SPATA16: variants seen among roughly 807,000 people sequenced by gnomAD.
SPATA16 encodes the protein spermatogenesis-associated protein 16.
SPATA16 carries 36 observed loss-of-function variants against 63.3 expected under a neutral mutation model. That is an observed-to-expected ratio of 0.57 (90% confidence interval 0.44 to 0.75). The LOEUF is 0.75. Among genes scored for constraint, SPATA16 ranks in the 30% least tolerant of loss-of-function variants. SPATA16 has a pLI of 0.00. For synonymous variants in SPATA16, 203 were observed against 216.7 expected (o/e 0.94, Z 0.56); for missense variants, 646 against 679.3 (o/e 0.95, Z 0.54).
intron 1 of SPATA16, among the ~76,000 whole-genome samples, chr3:173,137,401 A>G (rs1327167290): frequency 6.6e-6 from 1 of 152,224 alleles, no homozygotes; most frequent in African/African-American, 2.4e-5. Context: ...CTACTGAAAG[A>G]TAAGAAAGAA....
intron 1 of SPATA16, among the ~76,000 whole-genome samples, chr3:173,139,546 T>G (rs996117465): frequency 6.6e-6 from 1 of 152,252 alleles, no homozygotes; most frequent in Non-Finnish European, 1.5e-5. Context: ...GTGTTTGCAC[T>G]GCTTTTGTTA....
At chr3:172,935,837 A>C (rs1732977797) in intron 6 of SPATA16, among the ~76,000 whole-genome samples, 1 of 152,140 alleles carries the variant, frequency 6.6e-6, no homozygotes, top group African/African-American at 2.4e-5. Flanking sequence ...AGTTTATGCT[A>C]CCTGGGTAGT....
At chr3:173,040,176 AT>A (rs1480039679) in intron 3 of SPATA16, among the ~76,000 whole-genome samples, 1 of 151,990 alleles carries the variant, frequency 6.6e-6, no homozygotes, top group East Asian at 1.9e-4. Flanking sequence ...AGCCATCTGG[AT>A]CCTGTTTCTT....
intron 2 of SPATA16, among the ~76,000 whole-genome samples, chr3:173,069,647 C>T (rs553459881): frequency 6.4e-4 from 98 of 152,302 alleles, no homozygotes; most frequent in African/African-American, 2.3e-3. Flanking sequence ...AGGTCAGTAT[C>T]ACTCTGATAC....
At chr3:172,890,973 A>G (rs1050491229) in intron 10 of SPATA16, among the ~76,000 whole-genome samples, 2 of 149,116 alleles carry the variant, frequency 1.3e-5, no homozygotes, top group African/African-American at 2.4e-5. Flanking sequence ...ATATATATAT[A>G]TAATATGTGT....
chr3:172,966,860 C>T lies in SPATA16; in HGVS notation c.934-10036G>A, dbSNP rs144163895. On this transcript the variant is annotated intron_variant, in intron 5 of 10. Transcript: ENST00000351008. ...ATGATTTCATGGAATAGTTATTACA[C>T]ATCTCCAACTGCTAAAAAAAGTGAC... Among the ~76,000 whole-genome samples the T allele has an allele frequency of 2.8e-3, 429 of 152,280 alleles. 1 individual carries two copies. Among genetic ancestry groups the T allele is most frequent in the South Asian group, 0.015 (70 of 4,824 alleles).
At chr3:173,056,565 G>A (rs995075381) in intron 2 of SPATA16, among the ~76,000 whole-genome samples, 1 of 152,028 alleles carries the variant, frequency 6.6e-6, no homozygotes, top group Admixed American at 6.6e-5. Context: ...TTAGCTGGAA[G>A]TGGTGGCGGG....
intron 4 of SPATA16, among the ~76,000 whole-genome samples, chr3:173,013,048 A>G (rs1316094528): frequency 6.6e-6 from 1 of 152,168 alleles, no homozygotes; most frequent in Non-Finnish European, 1.5e-5. Flanking sequence ...CAGAATTTAT[A>G]AGGAACTTAA....
At position 172,900,684 on chromosome 3, in the gene SPATA16, G is replaced by A. The variant is rs12636693; in HGVS notation, c.1588-10992C>T. Among the ~76,000 whole-genome samples, 3 of 151,650 alleles carry A rather than the reference G, an allele frequency of 2.0e-5. No individual in the cohort carries two copies. In the South Asian group the frequency reaches 6.3e-4, roughly 32 times the overall value. ...TTGGTGGAGTCTCACACTGTTGCCC[G>A]GGCTGGAGTGCAATGGCATGATCTC... On this transcript the variant is annotated intron_variant, in intron 10 of 10. Coordinates refer to ENST00000351008, the MANE Select transcript of SPATA16 (RefSeq NM_031955.6).
chr3:173,074,682 C>A (rs776372044), intron 2 of SPATA16, among the ~76,000 whole-genome samples: 2 of 151,936 alleles, frequency 1.3e-5, no homozygotes, highest in Non-Finnish European at 2.9e-5. Flanking sequence ...CGGACTAATA[C>A]AGATGGCAAC....
chr3:173,034,140 T>C (rs2108285778), intron 3 of SPATA16, among the ~76,000 whole-genome samples: 1 of 152,328 alleles, frequency 6.6e-6, no homozygotes, highest in Non-Finnish European at 1.5e-5. Context: ...TGTTCAGGTT[T>C]TAAAGAAAAG....
chr3:173,085,778 G>A (rs1286135338), intron 2 of SPATA16, among the ~76,000 whole-genome samples: 1 of 152,048 alleles, frequency 6.6e-6, no homozygotes. Flanking sequence ...ATAATCATAT[G>A]GTTTTTGTCT....
intron 10 of SPATA16, among the ~76,000 whole-genome samples, chr3:172,893,489 C>T (rs1731936218): frequency 6.6e-6 from 1 of 152,196 alleles, no homozygotes; most frequent in Non-Finnish European, 1.5e-5. Context: ...TGATTTCAGG[C>T]TTTTACGCTC....
chr3:173,057,496 T>C (rs1190221385), intron 2 of SPATA16, among the ~76,000 whole-genome samples: 1 of 152,200 alleles, frequency 6.6e-6, no homozygotes, highest in African/African-American at 2.4e-5. Flanking sequence ...TCTCTGATTT[T>C]TTTCACCTCT....
intron 2 of SPATA16, among the ~76,000 whole-genome samples, chr3:173,061,598 C>A (rs1004099269): frequency 6.6e-6 from 1 of 152,298 alleles, no homozygotes; most frequent in Admixed American, 6.5e-5. Context: ...ATGTTCAAGA[C>A]ATCAAGGGTA....
rs866024048 is a variant in SPATA16 at position 173,020,639 on chromosome 3, T to C, written c.759-1064A>G. Among the ~76,000 whole-genome samples the C allele has an allele frequency of 4.6e-5, 7 of 152,342 alleles. No individual in the cohort carries two copies. The South Asian group carries it at 1.2e-3, about 27-fold the overall frequency. ...CTAGAGATAAAGGGGTAGACCTTTCTCTTCCTTGCTTCATTGAGAGCCTAT... is the reference window on the plus strand; with the variant it reads ...CTAGAGATAAAGGGGTAGACCTTTCCCTTCCTTGCTTCATTGAGAGCCTAT... On this transcript the variant is annotated intron_variant, in intron 3 of 10. Transcript: ENST00000351008.
At chr3:172,999,324 T>C (rs1734763264) in intron 4 of SPATA16, among the ~76,000 whole-genome samples, 3 of 152,220 alleles carry the variant, frequency 2.0e-5, no homozygotes, top group Admixed American at 6.5e-5. Context: ...TTTGTGGACA[T>C]AGAGAAGTTA....
In SPATA16 at chr3:172,956,831, G is replaced by A. The variant is rs776676290; in HGVS notation, c.934-7C>T. 6.2e-6 allele frequency: 10 copies of A among 1,612,800 alleles called. No homozygotes were observed. Among genetic ancestry groups the A allele is most frequent in the Non-Finnish European group, 8.5e-6 (10 of 1,179,370 alleles). Reference sequence around the variant, plus strand: ...TGGCTTCCTCAATCATGGCCTAAGAGGAAACAAACAACCCATTTGGCATCA... The same window carrying A: ...TGGCTTCCTCAATCATGGCCTAAGAAGAAACAAACAACCCATTTGGCATCA... On this transcript the variant is annotated splice_region_variant and splice_polypyrimidine_tract_variant and intron_variant, in intron 5 of 10. Transcript: ENST00000351008.
At chr3:173,017,907 A>G (rs1398692642) in intron 4 of SPATA16, among the ~76,000 whole-genome samples, 1 of 152,228 alleles carries the variant, frequency 6.6e-6, no homozygotes. Flanking sequence ...GACACTTACT[A>G]TCATCTCTTA....
Sources: gnomAD v4.1 joint callset for allele counts (sites outside exome capture counted in the v4.1 genomes callset) on GRCh38, gnomAD v4.1.1 for gene constraint, MANE v1.5 for transcripts, NCBI Gene and HGNC (gene_info 2026-07-23, HGNC 2026-07-21) for gene names.